INTS6: variants seen among roughly 807,000 people sequenced by gnomAD.
INTS6 encodes the protein DEAD box protein.
A neutral mutation model predicts 104.9 loss-of-function variants in INTS6; 16 were observed. The observed-to-expected ratio is 0.15, with a 90% CI of 0.10 to 0.23. The LOEUF (loss-of-function observed/expected upper bound fraction) is 0.23, where lower values mean the gene tolerates loss of function less well. INTS6 is among the 10% of genes least tolerant of loss of function. The pLI, the probability that INTS6 is intolerant of heterozygous loss-of-function variation, is 1.00. For missense variants in INTS6, 584 were observed against 1,062.8 expected, an observed-to-expected ratio of 0.55 and a Z score of 6.26; for synonymous variants, 324 against 358.7, an observed-to-expected ratio of 0.90 and a Z score of 1.09.
At chr13:51,403,730 G>T (rs1956494284) in intron 4 of INTS6, among the ~76,000 whole-genome samples, 1 of 151,492 alleles carries the variant, frequency 6.6e-6, no homozygotes, top group African/African-American at 2.4e-5. Context: ...AAGTTTTAAT[G>T]ACCTATTTAC....
intron 4 of INTS6, among the ~76,000 whole-genome samples, chr13:51,402,251 T>C (rs1307321531): frequency 6.6e-6 from 1 of 152,214 alleles, no homozygotes; most frequent in Non-Finnish European, 1.5e-5. Context: ...GCAAATGGGA[T>C]AGATACTATT....
chr13:51,437,318 G>T (rs1490473683), intron 3 of INTS6: 1 of 152,010 alleles, frequency 6.6e-6, no homozygotes, highest in East Asian at 1.9e-4. Context: ...GTAAAAGTCT[G>T]GTTAAATCCC....
chr13:51,451,102 G>T lies in INTS6; in HGVS notation c.262C>A (p.Leu88Ile). 5.7e-6 allele frequency: 9 copies of T among 1,591,208 alleles called. No homozygotes were observed. Among genetic ancestry groups the T allele is most frequent in the Non-Finnish European group, 7.7e-6 (9 of 1,170,098 alleles). ...AAAGCTGTCCTTAGGGATTGGCCAA[G>T]AGTCGTAAGTCCTTCAGCCTGAAGG... ...KNLQAEGLTT[L>I]GQSLRTAFDL... The change falls in exon 3 of 18, where the codon CTT (leucine) becomes ATT (isoleucine). Residue 88 changes from leucine to isoleucine, a missense_variant. Coordinates refer to ENST00000311234, the MANE Select transcript of INTS6 (RefSeq NM_012141.3).
intron 4 of INTS6, 66 bp from the exon 5 acceptor site, chr13:51,395,549 A>T (rs1593702416): frequency 7.2e-7 from 1 of 1,395,190 alleles, no homozygotes; most frequent in East Asian, 2.4e-5. Context: ...AGCCTACTTT[A>T]ATTACACTTA....
intron 4 of INTS6, among the ~76,000 whole-genome samples, chr13:51,414,833 T>TACACACACACACACACACACACAC (rs151197136): frequency 7.0e-6 from 1 of 142,950 alleles, no homozygotes; most frequent in Non-Finnish European, 1.5e-5. Context: ...AGTTCTTCTA[T>TACACACACACACACACACACACAC]ACACACACAC....
chr13:51,385,271 G>GC (rs995070538), intron 7 of INTS6: 1 of 153,186 alleles, frequency 6.5e-6, no homozygotes, highest in African/African-American at 2.4e-5. Context: ...CTCTGGCTCT[G>GC]CCCCACCCCT....
intron 3 of INTS6, among the ~76,000 whole-genome samples, chr13:51,434,712 G>A (rs929320954): frequency 6.6e-6 from 1 of 151,934 alleles, no homozygotes; most frequent in Admixed American, 6.6e-5. Context: ...CTAGCAGAAA[G>A]TGAACATGTA....
intron 6 of INTS6, among the ~76,000 whole-genome samples, chr13:51,388,175 T>A (rs376092457): frequency 1.2e-4 from 18 of 152,138 alleles, no homozygotes; most frequent in East Asian, 7.7e-4. Context: ...CAATTAAAAT[T>A]TTTTTAAGTT....
At chr13:51,402,301 T>C (rs943697355) in intron 4 of INTS6, among the ~76,000 whole-genome samples, 2 of 152,206 alleles carry the variant, frequency 1.3e-5, no homozygotes, top group African/African-American at 2.4e-5. Flanking sequence ...TATAAGATTG[T>C]ATGTTAGGAG....
chr13:51,388,604 G>C (rs143127782), intron 6 of INTS6, among the ~76,000 whole-genome samples: 1 of 152,114 alleles, frequency 6.6e-6, no homozygotes, highest in South Asian at 2.1e-4. Context: ...TGTTGGTCAG[G>C]CTGGTCTCAA....
intron 3 of INTS6, chr13:51,445,070 C>T (rs1593778508): frequency 6.6e-6 from 1 of 152,078 alleles, no homozygotes; most frequent in African/African-American, 2.4e-5. Flanking sequence ...TAAAAGGTTC[C>T]CTGCAAATCA....
At chr13:51,432,988 T>C (rs1030314602) in intron 3 of INTS6, among the ~76,000 whole-genome samples, 1 of 152,226 alleles carries the variant, frequency 6.6e-6, no homozygotes, top group African/African-American at 2.4e-5. Flanking sequence ...CAAGAGGTCC[T>C]AATAGCTTCG....
At chr13:51,448,867 T>C (rs1006987160) in intron 3 of INTS6, 3 of 152,210 alleles carry the variant, frequency 2.0e-5, no homozygotes, top group Admixed American at 6.5e-5. Flanking sequence ...GAAATACTTA[T>C]GTAAAGACAT....
rs368336972 is a variant in INTS6, at chr13:51,389,458, AAAGAAGAAG to A, written c.614-23_614-15del. ...AATATGAACGGCCTGAGATTAAAAAAAAGAAGAAGAAGAAGAAGAAGAATATAGTAAACT... is the reference window on the plus strand; with the variant it reads ...AATATGAACGGCCTGAGATTAAAAAAAAGAAGAAGAAGAATATAGTAAACT... On this transcript the variant is annotated splice_polypyrimidine_tract_variant and intron_variant, in intron 5 of 17. Coordinates refer to ENST00000311234, the MANE Select transcript of INTS6 (RefSeq NM_012141.3). 1.2e-4 allele frequency: 196 copies of A among 1,576,950 alleles called. No individual in the cohort carries two copies. The highest frequency in any genetic ancestry group is 1.5e-4 in the Non-Finnish European group (171 of 1,167,266).
chr13:51,450,367 G>A, intron 3 of INTS6: 2 of 985,388 alleles, frequency 2.0e-6, no homozygotes, highest in Non-Finnish European at 2.4e-6. Context: ...GCAATAAAAG[G>A]ACTTGTGGGG....
At chr13:51,357,449 C>T (rs894805363), downstream of INTS6, among the ~76,000 whole-genome samples, 3 of 152,082 alleles carry the variant, frequency 2.0e-5, no homozygotes, top group African/African-American at 7.2e-5. Flanking sequence ...TTCCAGTTTA[C>T]GAGGGATTAC....
intron 4 of INTS6, among the ~76,000 whole-genome samples, chr13:51,410,411 G>A (rs1011165377): frequency 1.3e-5 from 2 of 152,172 alleles, no homozygotes; most frequent in African/African-American, 2.4e-5. Context: ...TCCAGAAACA[G>A]CCACACAAAA....
chr13:51,428,490 A>G (rs980690502), intron 4 of INTS6, among the ~76,000 whole-genome samples: 3 of 151,818 alleles, frequency 2.0e-5, no homozygotes, highest in African/African-American at 4.8e-5. Flanking sequence ...ACGCCCAGCT[A>G]ATTTTTTTGT....
intron 4 of INTS6, among the ~76,000 whole-genome samples, chr13:51,396,860 CG>C (rs1566223355): frequency 6.6e-6 from 1 of 151,974 alleles, no homozygotes; most frequent in East Asian, 1.9e-4. Context: ...GAGGCAAAAG[CG>C]AAGATTTTTG....
Sources: allele counts gnomAD v4.1 joint callset (sites outside exome capture counted in the v4.1 genomes callset), GRCh38; gene constraint gnomAD v4.1.1; transcripts MANE v1.5; gene names NCBI Gene and HGNC (gene_info 2026-07-23, HGNC 2026-07-21).